SDK1: variants seen among roughly 807,000 people sequenced by gnomAD.
The protein encoded by SDK1 is protein sidekick-1.
SDK1 carries 157 observed loss-of-function variants against 245.5 expected under a neutral mutation model. That is an observed-to-expected ratio of 0.64 (90% CI 0.56 to 0.73). The LOEUF (loss-of-function observed/expected upper bound fraction) is 0.73. SDK1 is among the 30% of genes least tolerant of loss of function. The pLI, the probability that SDK1 is intolerant of heterozygous loss-of-function variation, is 0.00. For missense variants in SDK1, 3,583 were observed against 3,002.3 expected, an observed-to-expected ratio of 1.19 and a Z score of -4.52; for synonymous variants, 1,647 against 1,278.5, an observed-to-expected ratio of 1.29 and a Z score of -6.15.
At chr7:4,106,548 G>T (rs1327569959) in intron 22 of SDK1, among the ~76,000 whole-genome samples, 3 of 152,012 alleles carry the variant, frequency 2.0e-5, no homozygotes, top group African/African-American at 7.2e-5. Flanking sequence ...CACCCACCTC[G>T]ACCTCCCAAA....
chr7:3,775,735 C>T (rs1216025886), intron 4 of SDK1, among the ~76,000 whole-genome samples: 1 of 151,966 alleles, frequency 6.6e-6, no homozygotes, highest in African/African-American at 2.4e-5. Flanking sequence ...CGCCACCGCA[C>T]CCGGCTAATT....
intron 32 of SDK1, among the ~76,000 whole-genome samples, chr7:4,168,110 C>A (rs1388968728): frequency 6.6e-6 from 1 of 152,188 alleles, no homozygotes; most frequent in African/African-American, 2.4e-5. Context: ...GTGAAGCCAC[C>A]GGACCCTTTG....
chr7:3,718,804 G>C (rs910088918), intron 4 of SDK1, among the ~76,000 whole-genome samples: 4 of 151,798 alleles, frequency 2.6e-5, no homozygotes, highest in African/African-American at 9.7e-5. Flanking sequence ...GAAAAAAAAA[G>C]GCATCCAAGT....
chr7:4,033,434 G>A (rs564005083), intron 17 of SDK1, among the ~76,000 whole-genome samples: 5 of 152,156 alleles, frequency 3.3e-5, no homozygotes, highest in Admixed American at 6.6e-5. Flanking sequence ...TCAAAATCTC[G>A]AAGCAATAAT....
At position 4,039,158 on chromosome 7, in the gene SDK1, G is replaced by T. The variant is rs536503981; in HGVS notation, c.2603-10190G>T. ...CACACACCGGGGCCTGTTGTGGGGT[G>T]GGGGGAGCGGGGAGGGATAGCATTA... is the stretch of plus-strand genomic sequence containing the variant. On this transcript the variant is annotated intron_variant, in intron 17 of 44. Coordinates refer to ENST00000404826, the MANE Select transcript of SDK1 (RefSeq NM_152744.4). Among the ~76,000 whole-genome samples the T allele has an allele frequency of 5.5e-5, 8 of 146,652 alleles. 1 individual carries two copies. Among genetic ancestry groups the T allele is most frequent in the South Asian group, 4.4e-4 (2 of 4,534 alleles).
chr7:4,136,742 C>T (rs537088966), intron 28 of SDK1, among the ~76,000 whole-genome samples: 22 of 152,338 alleles, frequency 1.4e-4, no homozygotes, highest in South Asian at 4.1e-4. Flanking sequence ...GCCAGACACG[C>T]GGGATCCCGC....
chr7:3,918,156 G>T (rs1055423588), intron 5 of SDK1, among the ~76,000 whole-genome samples: 2 of 152,150 alleles, frequency 1.3e-5, no homozygotes, highest in Admixed American at 6.5e-5. Flanking sequence ...GAATCTGGGG[G>T]TAGCATGGGC....
intron 14 of SDK1, among the ~76,000 whole-genome samples, chr7:4,000,976 C>T (rs1372891150): frequency 2.6e-5 from 4 of 152,184 alleles, no homozygotes; most frequent in African/African-American, 9.7e-5. Context: ...TCTGCGTTCA[C>T]TTCCTGTTAG....
intron 1 of SDK1, among the ~76,000 whole-genome samples, chr7:3,430,983 C>G (rs879584598): frequency 6.6e-6 from 1 of 152,218 alleles, no homozygotes; most frequent in Non-Finnish European, 1.5e-5. Context: ...TTACTGCAAC[C>G]TCCGCCTCTC....
chr7:4,065,691 GTTGTTTTTTTTTT>G (rs1779839970), intron 19 of SDK1, among the ~76,000 whole-genome samples: 1 of 29,472 alleles, frequency 3.4e-5, no homozygotes, highest in Admixed American at 3.9e-4. Flanking sequence ...ATGAGTGGTT[GTTGTTTTTTTTTT>G]TTTTTTTTTT....
intron 22 of SDK1, among the ~76,000 whole-genome samples, chr7:4,083,765 C>CCTTTACTT (rs1781246657): frequency 3.7e-5 from 1 of 26,914 alleles, no homozygotes; most frequent in Non-Finnish European, 9.7e-5. Context: ...CTGTCTCCCT[C>CCTTTACTT]CCTCCCTTCT....
At chr7:3,878,932 C>T (rs750674610) in intron 5 of SDK1, among the ~76,000 whole-genome samples, 1 of 152,066 alleles carries the variant, frequency 6.6e-6, no homozygotes, top group Non-Finnish European at 1.5e-5. Context: ...AATCGCCACT[C>T]AGGTCAAGAT....
chr7:3,575,171 G>T (rs1377570255), intron 1 of SDK1, among the ~76,000 whole-genome samples: 1 of 152,092 alleles, frequency 6.6e-6, no homozygotes, highest in African/African-American at 2.4e-5. Context: ...AGTGCCACCA[G>T]CTGAGTTTCT....
At chr7:3,591,889 G>T (rs1442228306) in intron 1 of SDK1, among the ~76,000 whole-genome samples, 23 of 152,216 alleles carry the variant, frequency 1.5e-4, no homozygotes, top group Non-Finnish European at 2.9e-5. Context: ...CAGGGAACCT[G>T]GGGTGGTGTC....
intron 22 of SDK1, among the ~76,000 whole-genome samples, chr7:4,104,878 T>TA (rs982920231): frequency 7.2e-5 from 11 of 152,026 alleles, no homozygotes; most frequent in African/African-American, 2.7e-4. Flanking sequence ...ATTTTTTTTT[T>TA]AATTATTTTG....
intron 4 of SDK1, among the ~76,000 whole-genome samples, chr7:3,749,598 C>T (rs558600101): frequency 6.6e-6 from 1 of 152,082 alleles, no homozygotes; most frequent in African/African-American, 2.4e-5. Context: ...CGCGCCCAGC[C>T]GAACATCACC....
At chr7:3,814,261 C>A (rs1320881325) in intron 4 of SDK1, among the ~76,000 whole-genome samples, 4 of 151,176 alleles carry the variant, frequency 2.6e-5, no homozygotes, top group Non-Finnish European at 4.4e-5. Context: ...ATGTTTAAAT[C>A]TTTAATCCAT....
At chr7:3,675,316 G>A (rs1007280821) in intron 4 of SDK1, among the ~76,000 whole-genome samples, 1 of 152,218 alleles carries the variant, frequency 6.6e-6, no homozygotes, top group African/African-American at 2.4e-5. Context: ...TTTGGACCAA[G>A]TGATGGTCGT....
chr7:3,318,724 T>C (rs1046551999), intron 1 of SDK1, among the ~76,000 whole-genome samples: 4 of 152,182 alleles, frequency 2.6e-5, no homozygotes, highest in African/African-American at 7.2e-5. Flanking sequence ...TTGATGAATA[T>C]ATTGACCTAG....
Sources: allele counts gnomAD v4.1 joint callset (sites outside exome capture counted in the v4.1 genomes callset), GRCh38; gene constraint gnomAD v4.1.1; transcripts MANE v1.5; gene names NCBI Gene and HGNC (gene_info 2026-07-23, HGNC 2026-07-21).